TNNI3K: variants seen among roughly 807,000 people sequenced by gnomAD.
TNNI3K encodes the protein TNNI3 interacting kinase.
In TNNI3K, 140 loss-of-function variants were observed where a neutral mutation model predicts 114.5. The ratio of observed to expected loss-of-function variants is 1.22; its 90% CI spans 1.07 to 1.41. The LOEUF (loss-of-function observed/expected upper bound fraction) is 1.41. TNNI3K is among the 40% of genes most tolerant of loss of function. TNNI3K has a pLI of 0.00. For missense variants in TNNI3K, 1,125 were observed against 1,007.6 expected (o/e 1.12, Z -1.58); for synonymous variants, 347 against 347.5 (o/e 1.00, Z 0.02).
chr1:74,325,195 CTG>C (rs1366879855), intron 5 of TNNI3K, among the ~76,000 whole-genome samples: 1 of 152,196 alleles, frequency 6.6e-6, no homozygotes, highest in Non-Finnish European at 1.5e-5. Context: ...TACCCACAGA[CTG>C]TGTTTGCTCC....
At chr1:74,469,630 T>G (rs1406881332) in intron 21 of TNNI3K, 2 of 336,908 alleles carry the variant, frequency 5.9e-6, no homozygotes, top group African/African-American at 4.2e-5. Flanking sequence ...AAAACTTTTC[T>G]TACTTGTTTT....
intron 5 of TNNI3K, among the ~76,000 whole-genome samples, chr1:74,285,539 A>G (rs994519945): frequency 1.3e-5 from 2 of 149,658 alleles, no homozygotes; most frequent in African/African-American, 2.5e-5. Context: ...GTTTTTTTGT[A>G]CCTTTCTAAT....
intron 4 of TNNI3K, among the ~76,000 whole-genome samples, chr1:74,252,300 G>T (rs1470565491): frequency 6.6e-6 from 1 of 151,916 alleles, no homozygotes; most frequent in African/African-American, 2.4e-5. Flanking sequence ...TTAGAGAAGG[G>T]TGCATAAACT....
At chr1:74,539,530 G>A (rs901415841) in intron 23 of TNNI3K, among the ~76,000 whole-genome samples, 5 of 152,090 alleles carry the variant, frequency 3.3e-5, no homozygotes, top group African/African-American at 9.7e-5. Context: ...TTACCAAATC[G>A]GCAAAAGAGA....
chr1:74,253,355 G>A (rs1431600025), intron 4 of TNNI3K, among the ~76,000 whole-genome samples: 1 of 152,184 alleles, frequency 6.6e-6, no homozygotes, highest in East Asian at 1.9e-4. Context: ...CAGCCCTTGG[G>A]CAGTCAATGG....
At chr1:74,477,606 A>G (rs1668268546) in intron 21 of TNNI3K, among the ~76,000 whole-genome samples, 1 of 152,198 alleles carries the variant, frequency 6.6e-6, no homozygotes, top group East Asian at 1.9e-4. Flanking sequence ...GAGAGTAAAC[A>G]TAATTTGATT....
chr1:74,242,762 T>C (rs929644407), intron 2 of TNNI3K, among the ~76,000 whole-genome samples: 1 of 152,204 alleles, frequency 6.6e-6, no homozygotes, highest in Non-Finnish European at 1.5e-5. Flanking sequence ...TCTTTTCTTG[T>C]TTGTCCAGGT....
At chr1:74,301,571 A>G (rs1658333836) in intron 5 of TNNI3K, among the ~76,000 whole-genome samples, 1 of 152,152 alleles carries the variant, frequency 6.6e-6, no homozygotes, top group Admixed American at 6.5e-5. Flanking sequence ...TCCCCTAAAA[A>G]AGACTTGATT....
rs377570693 is a variant in TNNI3K, at chr1:74,321,666, C to T, written c.445-9784C>T. ...GTTTTATTTCCATGACTTTTTAGAGCTTCCTTTTAATTTCTTTTATGATAT... is the reference window on the plus strand; with the variant it reads ...GTTTTATTTCCATGACTTTTTAGAGTTTCCTTTTAATTTCTTTTATGATAT... On this transcript the variant is annotated intron_variant, in intron 5 of 24. Transcript: ENST00000326637. Among the ~76,000 whole-genome samples, 5 of 151,808 alleles carry T rather than the reference C, an allele frequency of 3.3e-5. No homozygotes were observed. In the South Asian group the frequency reaches 8.3e-4, roughly 25 times the overall value.
At position 74,431,174 on chromosome 1, in the gene TNNI3K, GAA is replaced by G. The variant is rs1455883262; in HGVS notation, c.1773-4902_1773-4901del. 6.6e-5 allele frequency among the ~76,000 whole-genome samples: 10 copies of G among 152,020 alleles called. No individual in the cohort carries two copies. The Middle Eastern group carries it at 0.01, about 156-fold the overall frequency. On this transcript the variant is annotated intron_variant, in intron 17 of 24. Transcript: ENST00000326637. ...TTCCTCTTACAATTTTTGAAGATGA[GAA>G]AAAGAGTCTCAAAAAGTTAAAGTAT...
rs144602039 is a variant in TNNI3K at position 74,325,544 on chromosome 1, C to T, written c.445-5906C>T. Among the ~76,000 whole-genome samples, 64 of 152,170 alleles carry T rather than the reference C, an allele frequency of 4.2e-4. 1 individual carries two copies. The South Asian group carries it at 1.0e-2, about 24-fold the overall frequency. ...ATATTCAAAATGAATCCTGAGAAAA[C>T]GTAAAATTATAAGAATCCACTACAG... On this transcript the variant is annotated intron_variant, in intron 5 of 24. Coordinates refer to ENST00000326637, the MANE Select transcript of TNNI3K (RefSeq NM_015978.3).
chr1:74,447,157 T>A (rs1248194340), intron 20 of TNNI3K, among the ~76,000 whole-genome samples: 1 of 151,446 alleles, frequency 6.6e-6, no homozygotes, highest in East Asian at 1.9e-4. Flanking sequence ...ACGATATTGA[T>A]TCTTCCTACC....
chr1:74,422,452 G>T (rs1034133240), intron 17 of TNNI3K, among the ~76,000 whole-genome samples: 3 of 152,008 alleles, frequency 2.0e-5, no homozygotes, highest in Non-Finnish European at 4.4e-5. Context: ...CTAAAGAAGA[G>T]AAATGTGAAG....
At chr1:74,518,873 C>CTTT (rs1646388103) in intron 23 of TNNI3K, among the ~76,000 whole-genome samples, 48 of 100,320 alleles carry the variant, frequency 4.8e-4, no homozygotes, top group Middle Eastern at 6.7e-3. Context: ...TTTTTTTTCC[C>CTTT]CTTTTTTTTT....
At chr1:74,274,121 AT>A (rs1318852803) in intron 5 of TNNI3K, among the ~76,000 whole-genome samples, 2 of 151,950 alleles carry the variant, frequency 1.3e-5, no homozygotes, top group Admixed American at 1.3e-4. Flanking sequence ...ATTATCATGT[AT>A]TTTTAATGTT....
At chr1:74,293,931 C>A (rs955923446) in intron 5 of TNNI3K, among the ~76,000 whole-genome samples, 2 of 151,566 alleles carry the variant, frequency 1.3e-5, no homozygotes. Flanking sequence ...CAAATATTTT[C>A]TCATCTATTG....
intron 17 of TNNI3K, among the ~76,000 whole-genome samples, chr1:74,404,864 G>A (rs1664541753): frequency 6.6e-6 from 1 of 152,140 alleles, no homozygotes. Context: ...GGCAACCAGA[G>A]CTCTGTTAAC....
chr1:74,297,046 G>T (rs563245748), intron 5 of TNNI3K, among the ~76,000 whole-genome samples: 2 of 151,944 alleles, frequency 1.3e-5, no homozygotes, highest in East Asian at 3.9e-4. Context: ...TTAAAATATT[G>T]CTTTATGTGC....
At chr1:74,489,377 C>T in intron 22 of TNNI3K, 129 bp downstream of exon 22, 1 of 889,350 alleles carries the variant, frequency 1.1e-6, no homozygotes, top group Non-Finnish European at 1.7e-6. Context: ...CATATTTGCC[C>T]TATTCATTAA....
Sources: allele counts gnomAD v4.1 joint callset (sites outside exome capture counted in the v4.1 genomes callset), GRCh38; gene constraint gnomAD v4.1.1; transcripts MANE v1.5; gene names NCBI Gene and HGNC (gene_info 2026-07-23, HGNC 2026-07-21).